The following CCM2 variants were observed in gnomAD, a reference collection of about 807,000 sequenced individuals.
CCM2 encodes CCM2 scaffold protein.
CCM2 carries 25 observed loss-of-function variants against 44.9 expected under a neutral mutation model. The ratio of observed to expected loss-of-function variants is 0.56; its 90% CI spans 0.41 to 0.78. CCM2 has a LOEUF of 0.78. CCM2 is among the 30% of genes least tolerant of loss of function. The pLI is 0.00. For missense variants in CCM2, 481 were observed against 580.6 expected, an observed-to-expected ratio of 0.83 and a Z score of 1.76; for synonymous variants, 219 against 241.1, an observed-to-expected ratio of 0.91 and a Z score of 0.85.
intron 1 of CCM2, among the ~76,000 whole-genome samples, chr7:45,017,655 T>C (rs781297058): frequency 6.6e-6 from 1 of 152,046 alleles, no homozygotes; most frequent in Non-Finnish European, 1.5e-5. Flanking sequence ...CATGAACGCA[T>C]GTAATTTGGT....
intron 4 of CCM2, among the ~76,000 whole-genome samples, chr7:45,066,463 G>A (rs1390627811): frequency 6.6e-6 from 1 of 152,174 alleles, no homozygotes; most frequent in African/African-American, 2.4e-5. Context: ...CTGTATTTAG[G>A]ATTAGGCATC....
chr7:45,003,607 C>G (rs533071325), intron 1 of CCM2, among the ~76,000 whole-genome samples: 3 of 151,998 alleles, frequency 2.0e-5, no homozygotes, highest in Admixed American at 6.5e-5. Context: ...TGGCATGTGC[C>G]TATAATCCCA....
chr7:45,049,697 G>A (rs2128738525), intron 2 of CCM2, among the ~76,000 whole-genome samples: 1 of 152,184 alleles, frequency 6.6e-6, no homozygotes, highest in South Asian at 2.1e-4. Flanking sequence ...TAGATCTAAG[G>A]CTAGGTTACT....
At chr7:45,006,532 G>T (rs2128711648) in intron 1 of CCM2, among the ~76,000 whole-genome samples, 1 of 152,170 alleles carries the variant, frequency 6.6e-6, no homozygotes, top group East Asian at 1.9e-4. Flanking sequence ...TTTTGGTAGA[G>T]ATGGGGTTTC....
intron 2 of CCM2, chr7:45,043,768 A>G (rs1322104973): frequency 5.3e-6 from 2 of 379,886 alleles, no homozygotes; most frequent in African/African-American, 4.5e-5. Flanking sequence ...TTTTTCTCTC[A>G]TTTTTCCTAT....
intron 3 of CCM2, 126 bp from the exon 4 acceptor site, chr7:45,064,337 C>G: frequency 9.7e-6 from 9 of 928,926 alleles, no homozygotes; most frequent in Non-Finnish European, 1.5e-5. Flanking sequence ...AGGGGAATAA[C>G]ACTGACCTTA....
intron 1 of CCM2, among the ~76,000 whole-genome samples, chr7:45,023,965 C>A (rs550168027): frequency 1.3e-5 from 2 of 152,038 alleles, no homozygotes; most frequent in South Asian, 4.2e-4. Flanking sequence ...CATGTGCCAC[C>A]ACGCCCTGCT....
chr7:45,021,234 G>A (rs1204844051), intron 1 of CCM2, among the ~76,000 whole-genome samples: 1 of 152,052 alleles, frequency 6.6e-6, no homozygotes, highest in Non-Finnish European at 1.5e-5. Flanking sequence ...TGCAGCCTGG[G>A]TAATAGAGCA....
At chr7:45,059,210 T>G (rs1405472796) in intron 2 of CCM2, among the ~76,000 whole-genome samples, 1 of 152,128 alleles carries the variant, frequency 6.6e-6, no homozygotes, top group Non-Finnish European at 1.5e-5. Context: ...GAATTAGCCT[T>G]GCACACCTGG....
At chr7:45,037,145 G>A (rs1797259181) in intron 1 of CCM2, among the ~76,000 whole-genome samples, 1 of 152,038 alleles carries the variant, frequency 6.6e-6, no homozygotes, top group African/African-American at 2.4e-5. Flanking sequence ...ATTTGGGATT[G>A]CTTCCCCCCA....
intron 2 of CCM2, among the ~76,000 whole-genome samples, chr7:45,052,253 A>G (rs1798048510): frequency 6.6e-6 from 1 of 152,210 alleles, no homozygotes; most frequent in South Asian, 2.1e-4. Context: ...TCAGCTGGCC[A>G]GCAGACAGGA....
intron 1 of CCM2, among the ~76,000 whole-genome samples, chr7:45,002,214 G>A (rs4720489): frequency 0.87 from 132,082 of 152,294 alleles, 57,596 homozygotes; most frequent in African/African-American, 0.96. Flanking sequence ...TAGCAGAAGT[G>A]CTGACAATAG....
chr7:45,013,006 C>A (rs1796125309), intron 1 of CCM2, among the ~76,000 whole-genome samples: 1 of 152,086 alleles, frequency 6.6e-6, no homozygotes, highest in Admixed American at 6.6e-5. Context: ...TAATTGATGT[C>A]ATTATGTTTA....
intron 1 of CCM2, among the ~76,000 whole-genome samples, chr7:45,012,396 A>G (rs1796101445): frequency 6.6e-6 from 1 of 152,020 alleles, no homozygotes; most frequent in African/African-American, 2.4e-5. Context: ...GGCCTCCCAA[A>G]GTGCTGGGAT....
At chr7:45,052,937 G>A (rs1231775563) in intron 2 of CCM2, among the ~76,000 whole-genome samples, 2 of 152,192 alleles carry the variant, frequency 1.3e-5, no homozygotes, top group East Asian at 1.9e-4. Flanking sequence ...TTAGACAAAG[G>A]ACCAATGGAA....
At position 45,058,702 on chromosome 7, in the gene CCM2, T is replaced by TAATC. The variant is rs1798381513; in HGVS notation, c.205-5216_205-5215insAATC. 2.6e-5 allele frequency among the ~76,000 whole-genome samples: 4 copies of TAATC among 152,240 alleles called. No individual in the cohort carries two copies. In the South Asian group the frequency reaches 8.3e-4, roughly 32 times the overall value. On this transcript the variant is annotated intron_variant, in intron 2 of 9. Coordinates refer to ENST00000258781, the MANE Select transcript of CCM2 (RefSeq NM_031443.4). ...CTTTTGTCATGAATGGGTGTTAGAT[T>TAATC]TGTCAAATGCTTTTTCTACATCTAT...
At position 45,074,477 on chromosome 7, in the gene CCM2, T is replaced by TGTGCACAC. The variant is rs1376096975; in HGVS notation, c.1054+71_1054+78dup. On this transcript the variant is annotated intron_variant, in intron 9 of 9. Coordinates refer to ENST00000258781, the MANE Select transcript of CCM2 (RefSeq NM_031443.4). ...TGGAGAGGCTGATCCCTCCTGGGAA[T>TGTGCACAC]GTGCACACGGACCCCTCAGTGGGTG... 3.8e-6 allele frequency: 5 copies of TGTGCACAC among 1,324,912 alleles called. No homozygotes were observed. The African/African-American group carries it at 7.3e-5, about 19-fold the overall frequency. 82.1% of individuals were successfully genotyped at this position (1,324,912 alleles called of 1,614,324 possible).
intron 2 of CCM2, among the ~76,000 whole-genome samples, chr7:45,056,299 G>A (rs1798258919): frequency 6.6e-6 from 1 of 152,172 alleles, no homozygotes; most frequent in Non-Finnish European, 1.5e-5. Flanking sequence ...ATTCCCATCA[G>A]TAATGCACAG....
At chr7:45,069,350 T>C (rs562179868) in intron 5 of CCM2, among the ~76,000 whole-genome samples, 88 of 152,356 alleles carry the variant, frequency 5.8e-4, no homozygotes, top group Middle Eastern at 3.4e-3. Context: ...TATTGCTACA[T>C]GTCCCCTGGG....
Sources: gnomAD v4.1 joint callset for allele counts (sites outside exome capture counted in the v4.1 genomes callset) on GRCh38, gnomAD v4.1.1 for gene constraint, MANE v1.5 for transcripts, NCBI Gene and HGNC (gene_info 2026-07-23, HGNC 2026-07-21) for gene names.